The following MAML2 variants were observed in gnomAD, a reference collection of about 807,000 sequenced individuals.
The protein encoded by MAML2 is mastermind like transcriptional coactivator 2, also known as mastermind-like protein 2.
In MAML2, 22 loss-of-function variants were observed where a neutral mutation model predicts 96.1. The observed-to-expected ratio is 0.23, with a 90% CI of 0.16 to 0.33. MAML2 has a LOEUF of 0.33. MAML2 is among the 10% of genes least tolerant of loss of function. MAML2 has a pLI of 1.00. For synonymous variants in MAML2, 561 were observed against 521.3 expected, an observed-to-expected ratio of 1.08 and a Z score of -1.04; for missense variants, 1,367 against 1,392.4, an observed-to-expected ratio of 0.98 and a Z score of 0.29.
intron 2 of MAML2, among the ~76,000 whole-genome samples, chr11:96,052,657 A>G (rs1859006040): frequency 1.3e-5 from 2 of 152,178 alleles, no homozygotes; most frequent in South Asian, 2.1e-4. Flanking sequence ...CCCTGTGTCA[A>G]TGCCATTTGG....
intron 1 of MAML2, among the ~76,000 whole-genome samples, chr11:96,240,185 C>G (rs911901013): frequency 6.6e-6 from 1 of 152,192 alleles, no homozygotes; most frequent in Non-Finnish European, 1.5e-5. Flanking sequence ...ACTCAATTAG[C>G]TGTTCAATTT....
At chr11:96,239,145 C>A (rs1862400264) in intron 1 of MAML2, among the ~76,000 whole-genome samples, 1 of 152,226 alleles carries the variant, frequency 6.6e-6, no homozygotes, top group Non-Finnish European at 1.5e-5. Context: ...CATGATGATA[C>A]AACAGATCCC....
intron 1 of MAML2, among the ~76,000 whole-genome samples, chr11:96,096,878 C>G (rs1237166933): frequency 6.6e-6 from 1 of 152,142 alleles, no homozygotes; most frequent in Non-Finnish European, 1.5e-5. Flanking sequence ...AGATGGGGGA[C>G]AGAAGAAGTC....
At chr11:96,077,808 AG>A (rs1357843726) in intron 2 of MAML2, among the ~76,000 whole-genome samples, 1 of 152,296 alleles carries the variant, frequency 6.6e-6, no homozygotes, top group East Asian at 1.9e-4. Flanking sequence ...CTCTTTTTAT[AG>A]GCTATAGAAA....
intron 1 of MAML2, among the ~76,000 whole-genome samples, chr11:96,145,269 G>A (rs1263213854): frequency 1.3e-5 from 2 of 152,186 alleles, no homozygotes; most frequent in African/African-American, 2.4e-5. Flanking sequence ...AAGACCATGA[G>A]CCGCCAAATA....
At chr11:96,307,890 A>T (rs1005281103) in intron 1 of MAML2, among the ~76,000 whole-genome samples, 2 of 152,146 alleles carry the variant, frequency 1.3e-5, no homozygotes, top group Non-Finnish European at 2.9e-5. Context: ...ACTAATAGTG[A>T]ACCCAAGGGA....
At chr11:96,143,218 T>C (rs1174915434) in intron 1 of MAML2, among the ~76,000 whole-genome samples, 2 of 152,194 alleles carry the variant, frequency 1.3e-5, no homozygotes, top group African/African-American at 4.8e-5. Context: ...AAGCCTTTAT[T>C]TGGCAAAGTT....
At chr11:96,103,930 C>CT (rs1395757840) in intron 1 of MAML2, among the ~76,000 whole-genome samples, 2 of 152,170 alleles carry the variant, frequency 1.3e-5, no homozygotes, top group Admixed American at 1.3e-4. Flanking sequence ...AGATGCAGGC[C>CT]TTTTGCATAT....
intron 1 of MAML2, among the ~76,000 whole-genome samples, chr11:96,129,762 G>C (rs1860515497): frequency 6.6e-6 from 1 of 152,126 alleles, no homozygotes; most frequent in Non-Finnish European, 1.5e-5. Context: ...AAGTTTTTCA[G>C]CCCTTACTCC....
intron 1 of MAML2, among the ~76,000 whole-genome samples, chr11:96,298,322 C>T (rs1467688241): frequency 6.6e-6 from 1 of 152,134 alleles, no homozygotes; most frequent in Non-Finnish European, 1.5e-5. Context: ...TGCAGAGAAA[C>T]AGTGAGGATG....
intron 1 of MAML2, among the ~76,000 whole-genome samples, chr11:96,291,543 C>T (rs1863210057): frequency 6.6e-6 from 1 of 152,120 alleles, no homozygotes; most frequent in African/African-American, 2.4e-5. Flanking sequence ...TGACATAATA[C>T]TCTGCTTTTA....
At chr11:96,081,287 C>CATAATATTCATTATGAATATGAATATTT (rs1333382349) in intron 2 of MAML2, among the ~76,000 whole-genome samples, 1 of 151,606 alleles carries the variant, frequency 6.6e-6, no homozygotes, top group Non-Finnish European at 1.5e-5. Context: ...TGAATTAAAG[C>CATAATATTCATTATGAATATGAATATTT]ATAATATTCA....
At chr11:96,126,375 T>A (rs1157202600) in intron 1 of MAML2, among the ~76,000 whole-genome samples, 1 of 152,100 alleles carries the variant, frequency 6.6e-6, no homozygotes, top group Non-Finnish European at 1.5e-5. Context: ...CTGACCAATA[T>A]GGTGAAACCC....
chr11:96,010,606 G>A (rs537485079), intron 2 of MAML2, among the ~76,000 whole-genome samples: 6 of 151,980 alleles, frequency 3.9e-5, no homozygotes, highest in South Asian at 2.1e-4. Flanking sequence ...GAATAGTGGC[G>A]AATGAAAAAA....
At position 95,976,723 on chromosome 11, in the gene MAML2, T is replaced by A. The variant is rs930594952; in HGVS notation, c.*2225A>T. 1 of 180,870 alleles carries A rather than the reference T, an allele frequency of 5.5e-6. No individual in the cohort carries two copies. Among genetic ancestry groups the A allele is most frequent in the African/African-American group, 2.4e-5 (1 of 42,424 alleles). 11.2% of individuals were successfully genotyped at this position (180,870 alleles called of 1,614,324 possible). On this transcript the variant is annotated 3_prime_UTR_variant, in exon 5 of 5. Coordinates refer to ENST00000524717, the MANE Select transcript of MAML2 (RefSeq NM_032427.4). ...TTTATCTCTTAAATTTGATAACTAC[T>A]ACAAAACATACTATTTATGTTAGGG...
chr11:96,321,578 A>G (rs1158047550), intron 1 of MAML2, among the ~76,000 whole-genome samples: 3 of 152,130 alleles, frequency 2.0e-5, no homozygotes, highest in East Asian at 3.8e-4. Flanking sequence ...GGCGTTTGGG[A>G]TATTATTTGT....
intron 1 of MAML2, among the ~76,000 whole-genome samples, chr11:96,265,968 A>T (rs1172486506): frequency 6.6e-6 from 1 of 152,224 alleles, no homozygotes; most frequent in Non-Finnish European, 1.5e-5. Flanking sequence ...TGTCTTTGCC[A>T]CAAGGTAGAG....
intron 1 of MAML2, among the ~76,000 whole-genome samples, chr11:96,109,008 G>T (rs2135829903): frequency 7.1e-6 from 1 of 141,116 alleles, no homozygotes; most frequent in South Asian, 2.3e-4. Context: ...CTGGGCAACA[G>T]TTTGAGTGTT....
chr11:96,006,455 C>G (rs1198083555), intron 2 of MAML2, among the ~76,000 whole-genome samples: 1 of 151,884 alleles, frequency 6.6e-6, no homozygotes, highest in East Asian at 1.9e-4. Context: ...ATAAGCGGTA[C>G]AACTACTGCC....
Sources: gnomAD v4.1 joint callset for allele counts (sites outside exome capture counted in the v4.1 genomes callset) on GRCh38, gnomAD v4.1.1 for gene constraint, MANE v1.5 for transcripts, NCBI Gene and HGNC (gene_info 2026-07-23, HGNC 2026-07-21) for gene names.